METTL2B: variants seen among roughly 807,000 people sequenced by gnomAD.
The protein encoded by METTL2B is methyltransferase 2B, tRNA N3-cytidine, also known as tRNA N(3)-cytidine methyltransferase METTL2B.
Under a neutral mutation model 51.0 loss-of-function variants are expected in METTL2B, and 28 were observed. That is an observed-to-expected ratio of 0.55 (90% CI 0.41 to 0.75). The LOEUF (loss-of-function observed/expected upper bound fraction) is 0.75. Among genes scored for constraint, METTL2B ranks in the 30% least tolerant of loss-of-function variants. The pLI is 0.00. For synonymous variants in METTL2B, 128 were observed against 166.3 expected (o/e 0.77, Z 1.77); for missense variants, 313 against 460.7 (o/e 0.68, Z 2.93).
At chr7:128,478,816 A>G (rs1483388086) in intron 2 of METTL2B, among the ~76,000 whole-genome samples, 1 of 151,964 alleles carries the variant, frequency 6.6e-6, no homozygotes, top group Non-Finnish European at 1.5e-5. Context: ...GTGAGCCAAG[A>G]TTGCGCCCCT....
At chr7:128,487,800 TCAAG>T (rs138876806) in intron 4 of METTL2B, among the ~76,000 whole-genome samples, 17,118 of 151,872 alleles carry the variant, frequency 0.11, 995 homozygotes, top group Middle Eastern at 0.17. Context: ...TGTGGTGCTA[TCAAG>T]CAAGGCTTCA....
chr7:128,480,410 C>G (rs1225847918), intron 3 of METTL2B, among the ~76,000 whole-genome samples: 1 of 152,124 alleles, frequency 6.6e-6, no homozygotes, highest in Non-Finnish European at 1.5e-5. Flanking sequence ...CAATCCTTGC[C>G]CTTTTTTCTA....
Position 128,493,719 on chromosome 7 carries a change from A to G in METTL2B, c.670-85A>G. On this transcript the variant is annotated intron_variant, in intron 5 of 8. Coordinates refer to ENST00000262432, the MANE Select transcript of METTL2B (RefSeq NM_018396.3). Reference sequence around the variant, plus strand: ...CCCTCTTCGTGAAGTAGCAACAGTTACATTTAAAATTTAAAACAAGATAAT... The same window carrying G: ...CCCTCTTCGTGAAGTAGCAACAGTTGCATTTAAAATTTAAAACAAGATAAT... The G allele has an allele frequency of 1.5e-5, 23 of 1,504,234 alleles. No individual in the cohort carries two copies. In the South Asian group the frequency reaches 3.0e-4, roughly 20 times the overall value. The allele number at this position is 1,504,234 out of a possible 1,614,324, so 93.2% of individuals were successfully genotyped here. A position where few individuals can be genotyped will look rare whatever the true frequency, so the allele number is the denominator to read the frequency against.
At chr7:128,479,730 G>A (rs189309498) in intron 3 of METTL2B, among the ~76,000 whole-genome samples, 3 of 152,196 alleles carry the variant, frequency 2.0e-5, no homozygotes, top group South Asian at 4.1e-4. Context: ...AAGATCACAC[G>A]GGAATAGCAT....
intron 2 of METTL2B, among the ~76,000 whole-genome samples, chr7:128,477,383 A>G (rs1371165175): frequency 6.6e-6 from 1 of 152,132 alleles, no homozygotes; most frequent in East Asian, 1.9e-4. Flanking sequence ...TTTTTTTAAT[A>G]TATAGTTTTA....
At chr7:128,495,311 C>T (rs1792905989) in intron 6 of METTL2B, among the ~76,000 whole-genome samples, 1 of 152,180 alleles carries the variant, frequency 6.6e-6, no homozygotes, top group Admixed American at 6.5e-5. Context: ...CTGATGCTTA[C>T]AGTGTTTTAG....
chr7:128,492,700 T>C (rs1256648489), intron 5 of METTL2B, among the ~76,000 whole-genome samples: 3 of 152,046 alleles, frequency 2.0e-5, no homozygotes, highest in Non-Finnish European at 4.4e-5. Context: ...CACTGCAAGC[T>C]CCGCCTCCCG....
chr7:128,502,462 G>A lies in METTL2B; in HGVS notation c.*546G>A, dbSNP rs1584799314. The A allele has an allele frequency of 5.2e-6, 2 of 385,154 alleles. No individual in the cohort carries two copies. Among genetic ancestry groups the A allele is most frequent in the Non-Finnish European group, 1.0e-5 (2 of 198,822 alleles). 23.9% of individuals were successfully genotyped at this position (385,154 alleles called of 1,614,324 possible). ...GGCAATTGCAGTTAATACATACAGG[G>A]GTTAGTGAAGGGCTTATTAAGTTGT... is the stretch of plus-strand genomic sequence containing the variant. On this transcript the variant is annotated 3_prime_UTR_variant, in exon 9 of 9. Coordinates refer to ENST00000262432, the MANE Select transcript of METTL2B (RefSeq NM_018396.3).
intron 5 of METTL2B, among the ~76,000 whole-genome samples, chr7:128,491,303 C>T (rs1029675288): frequency 2.7e-5 from 4 of 150,078 alleles, no homozygotes; most frequent in Non-Finnish European, 5.9e-5. Flanking sequence ...CTTTAAAAAA[C>T]ACAAAAACTA....
intron 7 of METTL2B, among the ~76,000 whole-genome samples, chr7:128,499,589 G>A (rs1792989460): frequency 8.2e-6 from 1 of 122,200 alleles, no homozygotes; most frequent in South Asian, 2.6e-4. Context: ...CACGATCTCG[G>A]CTCACTGCAA....
At chr7:128,484,240 T>TTTC (rs1792658277) in intron 4 of METTL2B, 1 of 132,290 alleles carries the variant, frequency 7.6e-6, no homozygotes, top group East Asian at 2.1e-4. Context: ...TTTTTTTTTT[T>TTTC]TTTTTGAGAC....
intron 4 of METTL2B, among the ~76,000 whole-genome samples, chr7:128,482,196 C>T (rs540384984): frequency 6.6e-6 from 1 of 152,240 alleles, no homozygotes; most frequent in Admixed American, 6.5e-5. Context: ...CTTCATCTCC[C>T]AGGTTGGAGT....
Position 128,503,092 on chromosome 7 carries a change from C to T in METTL2B, c.*1176C>T, listed in dbSNP as rs1793060448. On this transcript the variant is annotated 3_prime_UTR_variant, in exon 9 of 9. Coordinates refer to ENST00000262432, the MANE Select transcript of METTL2B (RefSeq NM_018396.3). ...GACCATCCTGGCTAACACGGTGAAA[C>T]CTCGTCTCCACTAAAAATACCAAAA... 6.5e-6 allele frequency: 1 copy of T among 154,770 alleles called. No individual in the cohort carries two copies. The allele number at this position is 154,770 out of a possible 1,614,324, so 9.6% of individuals were successfully genotyped here. A position where few individuals can be genotyped will look rare whatever the true frequency, so the allele number is the denominator to read the frequency against.
chr7:128,501,644 T>C, intron 8 of METTL2B, 118 bp from the exon 9 acceptor site: 1 of 1,510,470 alleles, frequency 6.6e-7, no homozygotes, highest in Non-Finnish European at 8.8e-7. Flanking sequence ...TATAACCAAA[T>C]GGCCATGTAA....
rs1240244980 is a variant in METTL2B at position 128,479,512 on chromosome 7, A to AG, written c.558+1dup. The AG allele has an allele frequency of 6.2e-7, 1 of 1,612,764 alleles. No individual in the cohort carries two copies. The highest frequency in any genetic ancestry group is 1.3e-5 in the African/African-American group (1 of 74,824). ...TCCTCAGCCACCTACCGAATACTGG[A>AG]GGTAACCTTTTATTGTCTTGGTAGT... On this transcript the variant is annotated frameshift_variant and splice_region_variant, in exon 3 of 9. Coordinates refer to ENST00000262432, the MANE Select transcript of METTL2B (RefSeq NM_018396.3). LOFTEE classifies it high-confidence loss of function.
At chr7:128,490,502 TA>T (rs1233435173) in intron 5 of METTL2B, among the ~76,000 whole-genome samples, 1 of 152,082 alleles carries the variant, frequency 6.6e-6, no homozygotes, top group Non-Finnish European at 1.5e-5. Context: ...CTCAAAGCAA[TA>T]AAGTAGAATG....
At chr7:128,486,480 G>C (rs1792721314) in intron 4 of METTL2B, among the ~76,000 whole-genome samples, 1 of 150,258 alleles carries the variant, frequency 6.7e-6, no homozygotes, top group Admixed American at 6.6e-5. Flanking sequence ...GGCACCTGTA[G>C]TCCCAGCTAC....
At position 128,502,727 on chromosome 7, in the gene METTL2B, C is replaced by T. The variant is rs757059712; in HGVS notation, c.*811C>T. ...CAGCGTGGCCAACATGGTGAAACCC[C>T]GTCTCTACTAAAGATAAAAAAATTA... On this transcript the variant is annotated 3_prime_UTR_variant, in exon 9 of 9. Transcript: ENST00000262432. The T allele has an allele frequency of 1.5e-4, 58 of 382,150 alleles. 1 individual carries two copies. The Admixed American group carries it at 1.8e-3, about 12-fold the overall frequency. The allele number at this position is 382,150 out of a possible 1,614,324, so 23.7% of individuals were successfully genotyped here.
At chr7:128,490,930 C>T (rs1792816738) in intron 5 of METTL2B, among the ~76,000 whole-genome samples, 1 of 150,172 alleles carries the variant, frequency 6.7e-6, no homozygotes, top group Non-Finnish European at 1.5e-5. Flanking sequence ...TGGGAGGCCA[C>T]GGCCAGCGGA....
Sources: allele counts gnomAD v4.1 joint callset (sites outside exome capture counted in the v4.1 genomes callset), GRCh38; gene constraint gnomAD v4.1.1; transcripts MANE v1.5; gene names NCBI Gene and HGNC (gene_info 2026-07-23, HGNC 2026-07-21).